BCAR3: variants seen among roughly 807,000 people sequenced by gnomAD.
BCAR3 encodes the protein BCAR3 adaptor protein, NSP family member, also known as breast cancer anti-estrogen resistance protein 3.
A neutral mutation model predicts 80.1 loss-of-function variants in BCAR3; 37 were observed. The observed-to-expected ratio is 0.46, with a 90% CI of 0.36 to 0.61. The LOEUF is 0.61. Among genes scored for constraint, BCAR3 ranks in the 20% least tolerant of loss-of-function variants. BCAR3 has a pLI of 0.00. For synonymous variants in BCAR3, 389 were observed against 418.9 expected, an observed-to-expected ratio of 0.93 and a Z score of 0.87; for missense variants, 978 against 1,068.2, an observed-to-expected ratio of 0.92 and a Z score of 1.18.
chr1:93,764,124 C>T (rs1291469948), intron 2 of BCAR3, among the ~76,000 whole-genome samples: 1 of 152,036 alleles, frequency 6.6e-6, no homozygotes, highest in Admixed American at 6.6e-5. Flanking sequence ...TCCAGACAGG[C>T]CCCTGTCTCC....
Position 93,571,676 on chromosome 1 carries a change from C to T in BCAR3, c.1968G>A (p.Met656Ile), listed in dbSNP as rs1673223726. 6.2e-7 allele frequency: 1 copy of T among 1,614,132 alleles called. No individual in the cohort carries two copies. The highest frequency in any genetic ancestry group is 8.5e-7 in the Non-Finnish European group (1 of 1,179,982). Residue 656 changes from methionine to isoleucine, a missense_variant, in exon 9 of 12, where the codon ATG becomes ATA. Transcript: ENST00000260502. Reference sequence around the variant, plus strand: ...AAAGTAATTGGAAATTTACCTGTGGCATTTCCAGGGCTTTCATGAGAGCTG... The same window carrying T: ...AAAGTAATTGGAAATTTACCTGTGGTATTTCCAGGGCTTTCATGAGAGCTG... The part of the protein sequence containing the change: ...SFSALMKALE[M>I]PQITRLEKTW...
intron 3 of BCAR3, among the ~76,000 whole-genome samples, chr1:93,638,105 C>T (rs1254084787): frequency 1.3e-5 from 2 of 152,176 alleles, no homozygotes; most frequent in African/African-American, 4.8e-5. Context: ...AAAAATTAGC[C>T]AGCTGTGGTG....
intron 2 of BCAR3, among the ~76,000 whole-genome samples, chr1:93,798,770 G>A (rs1653372552): frequency 6.6e-6 from 1 of 152,118 alleles, no homozygotes; most frequent in African/African-American, 2.4e-5. Flanking sequence ...ATCCATCTGT[G>A]AACCAGGTAA....
intron 2 of BCAR3, among the ~76,000 whole-genome samples, chr1:93,821,883 C>T (rs1289291173): frequency 2.6e-5 from 4 of 152,196 alleles, no homozygotes; most frequent in Non-Finnish European, 5.9e-5. Context: ...TGCCTGAGGT[C>T]ACCCAGCCTG....
chr1:93,816,475 A>G (rs182057140), intron 2 of BCAR3, among the ~76,000 whole-genome samples: 22 of 152,068 alleles, frequency 1.4e-4, no homozygotes, highest in Non-Finnish European at 2.6e-4. Context: ...GTTCGAGACT[A>G]GCCTGGCCAA....
chr1:93,715,261 T>G (rs1650157620), intron 2 of BCAR3, among the ~76,000 whole-genome samples: 1 of 152,254 alleles, frequency 6.6e-6, no homozygotes, highest in South Asian at 2.1e-4. Flanking sequence ...GTTTCTTTTT[T>G]TGTTTTGAAC....
chr1:93,638,954 A>C (rs1017181181), intron 3 of BCAR3, among the ~76,000 whole-genome samples: 1 of 152,310 alleles, frequency 6.6e-6, no homozygotes, highest in Middle Eastern at 3.4e-3. Flanking sequence ...AACAGTGAGG[A>C]ATGAGATTCC....
chr1:93,775,136 T>C (rs1367846612), intron 2 of BCAR3: 1 of 152,182 alleles, frequency 6.6e-6, no homozygotes, highest in Admixed American at 6.5e-5. Context: ...CCAGGTAAAT[T>C]TAATTGAGTT....
At chr1:93,762,589 G>A (rs1032919389) in intron 2 of BCAR3, among the ~76,000 whole-genome samples, 19 of 152,160 alleles carry the variant, frequency 1.2e-4, no homozygotes, top group African/African-American at 4.1e-4. Flanking sequence ...GACGTGCTAC[G>A]GACTCATGCT....
Position 93,719,334 on chromosome 1 carries a change from GTTTTTTTTT to G in BCAR3, c.-62-13201_-62-13193del, listed in dbSNP as rs1217381018. ...TTAGTCTCTATATTTAAACTTTCTT[GTTTTTTTTT>G]TTTTTTTTTTTTTTTTGAGACAGAG... On this transcript the variant is annotated intron_variant, in intron 2 of 13. Transcript: ENST00000370244. 3.2e-3 allele frequency among the ~76,000 whole-genome samples: 231 copies of G among 73,216 alleles called. 1 individual carries two copies. Among genetic ancestry groups the G allele is most frequent in the African/African-American group, 0.012 (217 of 18,148 alleles). The allele number at this position is 73,216 out of a possible 152,430, so 48.0% of individuals were successfully genotyped here.
chr1:93,685,165 AT>A (rs1027311199), upstream of BCAR3, among the ~76,000 whole-genome samples: 1 of 152,310 alleles, frequency 6.6e-6, no homozygotes, highest in Non-Finnish European at 1.5e-5. Context: ...TTTAAATATA[AT>A]TTTTTGACTA....
chr1:93,821,097 TTTC>T (rs1246317455), intron 2 of BCAR3, among the ~76,000 whole-genome samples: 1 of 152,164 alleles, frequency 6.6e-6, no homozygotes, highest in Non-Finnish European at 1.5e-5. Flanking sequence ...CAAATGTATT[TTTC>T]TTATTTTGTC....
chr1:93,808,606 C>T (rs922490573), intron 2 of BCAR3, among the ~76,000 whole-genome samples: 9 of 152,072 alleles, frequency 5.9e-5, no homozygotes, highest in Admixed American at 2.6e-4. Flanking sequence ...ATGGCAACCA[C>T]GTTACAGACC....
chr1:93,587,638 TCCTC>T (rs1015422646), intron 5 of BCAR3, among the ~76,000 whole-genome samples: 1 of 151,498 alleles, frequency 6.6e-6, no homozygotes, highest in Admixed American at 6.6e-5. Flanking sequence ...TCCTGTATTT[TCCTC>T]CCTAAGTTTT....
chr1:93,577,159 A>G (rs1365917219), intron 7 of BCAR3, among the ~76,000 whole-genome samples: 5 of 152,164 alleles, frequency 3.3e-5, no homozygotes, highest in African/African-American at 1.2e-4. Context: ...CTCTAAAAAC[A>G]AAAGAAAAAT....
rs190404193 is a variant in BCAR3 at position 93,586,333 on chromosome 1, C to T, written c.930-2212G>A. 1.1e-4 allele frequency among the ~76,000 whole-genome samples: 16 copies of T among 152,322 alleles called. No homozygotes were observed. The highest frequency in any genetic ancestry group is 2.6e-4 in the Admixed American group (4 of 15,294). ...GTCTTTCTGTGTCTGGCTTATTTCA[C>T]TTAACATAATGATCTCCAATTCCAT... On this transcript the variant is annotated intron_variant, in intron 5 of 11. Coordinates refer to ENST00000260502, the MANE Select transcript of BCAR3 (RefSeq NM_003567.4). The surrounding 1 kb of genome is among the most constrained non-coding windows in gnomAD (Gnocchi z 4.2).
chr1:93,685,824 A>G (rs1283553044), upstream of BCAR3, among the ~76,000 whole-genome samples: 5 of 152,176 alleles, frequency 3.3e-5, no homozygotes, highest in Admixed American at 6.5e-5. Flanking sequence ...TGTCAACTTG[A>G]TAAGTAAAAT....
At chr1:93,739,929 G>C (rs564507634) in intron 2 of BCAR3, among the ~76,000 whole-genome samples, 2 of 151,976 alleles carry the variant, frequency 1.3e-5, no homozygotes, top group Non-Finnish European at 2.9e-5. Context: ...CCAGCTACTC[G>C]GGAGGCTGAG....
At chr1:93,776,346 C>T (rs1341596096) in intron 2 of BCAR3, among the ~76,000 whole-genome samples, 9 of 152,164 alleles carry the variant, frequency 5.9e-5, no homozygotes, top group Non-Finnish European at 1.3e-4. Flanking sequence ...CATAGCCAAC[C>T]CACGCCCTAC....
Sources: allele counts gnomAD v4.1 joint callset (sites outside exome capture counted in the v4.1 genomes callset), GRCh38; gene constraint gnomAD v4.1.1; non-coding constraint Gnocchi (gnomAD v3.1); transcripts MANE v1.5; gene names NCBI Gene and HGNC (gene_info 2026-07-23, HGNC 2026-07-21).